Variants in PLEKHG6 observed in about 807,000 individuals in gnomAD.
PLEKHG6 encodes the protein pleckstrin homology domain-containing family G member 6.
A neutral mutation model predicts 97.5 loss-of-function variants in PLEKHG6; 91 were observed. The observed-to-expected ratio is 0.93, with a 90% CI of 0.79 to 1.11. PLEKHG6 has a LOEUF of 1.11. Ranked by LOEUF, PLEKHG6 falls within the 50% of genes most tolerant of loss-of-function variation. PLEKHG6 has a pLI of 0.00. For missense variants in PLEKHG6, 1,044 were observed against 1,031.0 expected (o/e 1.01, Z -0.17); for synonymous variants, 466 against 425.5 (o/e 1.10, Z -1.17).
At chr12:6,312,107 T>G (rs1592018955) in intron 1 of PLEKHG6, 52 bp from the exon 2 acceptor site, 2 of 841,046 alleles carry the variant, frequency 2.4e-6, no homozygotes, top group Admixed American at 3.3e-5. Flanking sequence ...TCCCGCCTGG[T>G]GCCATTCACT....
intron 3 of PLEKHG6, among the ~76,000 whole-genome samples, chr12:6,314,292 C>T (rs1240601557): frequency 6.6e-6 from 1 of 152,144 alleles, no homozygotes; most frequent in East Asian, 1.9e-4. Context: ...CACCTGAGGT[C>T]AGGAGTTCGA....
At chr12:6,322,525 C>T (rs1357558211) in intron 13 of PLEKHG6, among the ~76,000 whole-genome samples, 1 of 152,178 alleles carries the variant, frequency 6.6e-6, no homozygotes, top group Admixed American at 6.5e-5. Flanking sequence ...TCCACCTAAG[C>T]CTAAACACAC....
At chr12:6,328,069 TCA>T in intron 15 of PLEKHG6, 65 bp from the exon 16 acceptor site, 3 of 1,605,308 alleles carry the variant, frequency 1.9e-6, no homozygotes, top group Non-Finnish European at 2.6e-6. Context: ...GCTCTCCGCC[TCA>T]CTCTTCACCT....
chr12:6,314,917 C>G (rs569024728), intron 3 of PLEKHG6, 88 bp from the exon 4 acceptor site: 4 of 1,255,680 alleles, frequency 3.2e-6, no homozygotes, highest in African/African-American at 1.5e-5. Context: ...CACTTTAACA[C>G]ACATGCACAC....
chr12:6,325,927 A>G (rs115535186), intron 13 of PLEKHG6, among the ~76,000 whole-genome samples: 6,026 of 152,220 alleles, frequency 0.04, 415 homozygotes, highest in African/African-American at 0.14. Context: ...ACCCCCTCAG[A>G]CAGTTACTTA....
chr12:6,322,162 G>C (rs988507617), intron 13 of PLEKHG6, among the ~76,000 whole-genome samples: 5 of 152,204 alleles, frequency 3.3e-5, no homozygotes, highest in African/African-American at 9.7e-5. Context: ...TTGGAACACT[G>C]CATTGGCAAT....
rs1286581367 is a variant in PLEKHG6, at chr12:6,327,640, A to C, written c.2057A>C (p.His686Pro). The C allele has an allele frequency of 6.4e-7, 1 of 1,565,172 alleles. No individual in the cohort carries two copies. Among genetic ancestry groups the C allele is most frequent in the Non-Finnish European group, 8.7e-7 (1 of 1,151,570 alleles). ...ERGNVVVETLHRARLRGQLPS... is the reference protein window; with the variant it reads ...ERGNVVVETLPRARLRGQLPS... ...GGGAATGTGGTGGTGGAAACACTCC[A>C]CAGGGCCCGGCTTCGGGGCCAGCTT... Residue 686 changes from histidine (H) to proline (P), a missense_variant, in exon 15 of 16, where the codon CAC becomes CCC. Physicochemically the swap from His to Pro is moderately conservative, Grantham distance 77 (BLOSUM62 -2). Coordinates refer to ENST00000684764, the MANE Select transcript of PLEKHG6 (RefSeq NM_001384598.1).
Position 6,326,580 on chromosome 12 carries a change from C to T in PLEKHG6, c.1670+7C>T, listed in dbSNP as rs1400042566. ...AGAGCAGCGCAGAGGGGAGGTAAGG[C>T]TCACACGGACTACAAGGTCTCCCCG... On this transcript the variant is annotated splice_region_variant and intron_variant, in intron 14 of 15. Coordinates refer to ENST00000684764, the MANE Select transcript of PLEKHG6 (RefSeq NM_001384598.1). 6.0e-6 allele frequency: 9 copies of T among 1,487,838 alleles called. No individual in the cohort carries two copies. The South Asian group carries it at 1.2e-4, about 21-fold the overall frequency. 92.2% of individuals were successfully genotyped at this position (1,487,838 alleles called of 1,614,324 possible).
rs573818971 is a variant in PLEKHG6 at position 6,315,442 on chromosome 12, G to T, written c.460-112G>T. 9 of 742,028 alleles carry T rather than the reference G, an allele frequency of 1.2e-5. No individual in the cohort carries two copies. In the African/African-American group the frequency reaches 1.6e-4, roughly 13 times the overall value. 46.0% of individuals were successfully genotyped at this position (742,028 alleles called of 1,614,324 possible). On this transcript the variant is annotated intron_variant, in intron 4 of 15. Transcript: ENST00000684764. The surrounding 1 kb of genome is among the most constrained non-coding windows in gnomAD (Gnocchi z 4.5). ...CTGGTTTGAGGATTAAAAGGTCATGGTCATGCACAAAGTGCCTAGAACCTA... is the reference window on the plus strand; with the variant it reads ...CTGGTTTGAGGATTAAAAGGTCATGTTCATGCACAAAGTGCCTAGAACCTA...
Position 6,317,227 on chromosome 12 carries a change from G to T in PLEKHG6, c.757-76G>T, listed in dbSNP as rs562473472. On this transcript the variant is annotated intron_variant, in intron 7 of 15. Transcript: ENST00000684764. ...TGCGAGGCTCTCTTCACCTGCTCCT[G>T]GGTCCTGCAGCTAGAGCCTGTATTC... is the stretch of plus-strand genomic sequence containing the variant. The T allele has an allele frequency of 3.4e-5, 32 of 932,452 alleles. No individual in the cohort carries two copies. In the South Asian group the frequency reaches 4.3e-4, roughly 13 times the overall value. The allele number at this position is 932,452 out of a possible 1,614,324, so 57.8% of individuals were successfully genotyped here.
In PLEKHG6 at chr12:6,312,873, G is replaced by T. The variant is rs115339215; in HGVS notation, c.138+509G>T. ...TCCAGTCCTAACCAAGCAGAGGGGT[G>T]TGGAAGCCAGGTCTGTCCCTCAGCC... On this transcript the variant is annotated intron_variant, in intron 2 of 15. Coordinates refer to ENST00000684764, the MANE Select transcript of PLEKHG6 (RefSeq NM_001384598.1). The T allele has an allele frequency of 1.9e-3, 2,477 of 1,337,370 alleles. 41 individuals carry two copies. The African/African-American group carries it at 0.033, about 18-fold the overall frequency. 82.8% of individuals were successfully genotyped at this position (1,337,370 alleles called of 1,614,324 possible).
rs1044469370 is a variant in PLEKHG6, at chr12:6,316,579, G to C, written c.756+175G>C. 1.3e-5 allele frequency among the ~76,000 whole-genome samples: 2 copies of C among 152,184 alleles called. No homozygotes were observed. Among genetic ancestry groups the C allele is most frequent in the Non-Finnish European group, 2.9e-5 (2 of 68,032 alleles). ...CCTTCATGCCACAAGTCTGACCTCT[G>C]TGCCACAGGCTCCTTGTTCTTCTGG... On this transcript the variant is annotated intron_variant, in intron 7 of 15. Coordinates refer to ENST00000684764, the MANE Select transcript of PLEKHG6 (RefSeq NM_001384598.1). This position sits in a 1 kb window ranked among gnomAD's most constrained non-coding sequence, Gnocchi z 4.1.
intron 2 of PLEKHG6, 191 bp downstream of exon 2, chr12:6,312,555 C>G: frequency 8.5e-7 from 1 of 1,174,420 alleles, no homozygotes; most frequent in Non-Finnish European, 1.1e-6. Flanking sequence ...ACACCCCAGT[C>G]CCAGCAGCTG....
chr12:6,327,675 C>T lies in PLEKHG6; in HGVS notation c.2092C>T (p.Pro698Ser), dbSNP rs1281411929. 1.9e-6 allele frequency: 3 copies of T among 1,562,710 alleles called. No individual in the cohort carries two copies. Among genetic ancestry groups the T allele is most frequent in the Non-Finnish European group, 2.6e-6 (3 of 1,150,546 alleles). Residue 698 changes from proline to serine, a missense_variant, in exon 15 of 16, where the codon CCA becomes TCA. Coordinates refer to ENST00000684764, the MANE Select transcript of PLEKHG6 (RefSeq NM_001384598.1). Reference sequence around the variant, plus strand: ...GCTTCGGGGCCAGCTTCCCTCCTCCCCAACCCATGCTGACTCTGCCGGGGA... The same window carrying T: ...GCTTCGGGGCCAGCTTCCCTCCTCCTCAACCCATGCTGACTCTGCCGGGGA... ...ARLRGQLPSSPTHADSAGESP... is the reference protein window; with the variant it reads ...ARLRGQLPSSSTHADSAGESP...
At chr12:6,312,788 G>C in intron 2 of PLEKHG6, 1 of 1,201,092 alleles carries the variant, frequency 8.3e-7, no homozygotes, top group African/African-American at 1.5e-5. Flanking sequence ...TCCAGTGGTG[G>C]GTAGGGACAG....
chr12:6,312,272 G>A lies in PLEKHG6; in HGVS notation c.46G>A (p.Val16Met), dbSNP rs764719949. ...PPHEGPLQGLVASRIETYGGR... is the reference protein window; with the variant it reads ...PPHEGPLQGLMASRIETYGGR... ...ACATGAGGGCCCCCTCCAAGGACTC[G>A]TGGCCTCCCGCATTGAGACTTATGG... is the stretch of plus-strand genomic sequence containing the variant. The change falls in exon 2 of 16, where the codon GTG becomes ATG. Residue 16 changes from valine to methionine, a missense_variant. Val to Met is a conservative substitution (Grantham distance 21). Transcript: ENST00000684764. 28 of 1,548,098 alleles carry A rather than the reference G, an allele frequency of 1.8e-5. No homozygotes were observed. Among genetic ancestry groups the A allele is most frequent in the Admixed American group, 4.4e-5 (2 of 45,966 alleles).
rs71584808 is a variant in PLEKHG6, at chr12:6,315,428, AT to A, written c.460-124del. Reference sequence around the variant, plus strand: ...TACACATCAGAGCACTGGTTTGAGGATTAAAAGGTCATGGTCATGCACAAAG... The same window carrying A: ...TACACATCAGAGCACTGGTTTGAGGATAAAAGGTCATGGTCATGCACAAAG... On this transcript the variant is annotated intron_variant, in intron 4 of 15. Transcript: ENST00000684764. This position sits in a 1 kb window ranked among gnomAD's most constrained non-coding sequence, Gnocchi z 4.5. 4.0e-3 allele frequency: 2,792 copies of A among 703,660 alleles called. 14 individuals carry two copies. The highest frequency in any genetic ancestry group is 5.4e-3 in the Non-Finnish European group (2,247 of 412,588). The allele number at this position is 703,660 out of a possible 1,614,324, so 43.6% of individuals were successfully genotyped here.
rs2136753069 is a variant in PLEKHG6 at position 6,318,346 on chromosome 12, G to A, written c.1201G>A (p.Gly401Arg). The A allele has an allele frequency of 1.9e-6, 3 of 1,614,108 alleles. No homozygotes were observed. The highest frequency in any genetic ancestry group is 1.7e-6 in the Non-Finnish European group (2 of 1,180,020). The change falls in exon 11 of 16, where the codon GGG becomes AGG. Residue 401 changes from glycine (G) to arginine (R), a missense_variant. Gly to Arg is a moderately radical substitution (Grantham distance 125). Coordinates refer to ENST00000684764, the MANE Select transcript of PLEKHG6 (RefSeq NM_001384598.1). The part of the protein sequence containing the change: ...STLDLTSPML[G>R]VASEHTRQLL... The stretch of plus-strand genomic sequence containing the variant: ...CCTGGACCTGACGTCCCCCATGCTG[G>A]GGGTTGCATCTGAGCACACCAGACA...
chr12:6,318,659 C>A (rs549205004), intron 11 of PLEKHG6, 86 bp from the exon 12 acceptor site: 2 of 1,442,550 alleles, frequency 1.4e-6, no homozygotes, highest in South Asian at 1.2e-5. Context: ...TGTGTGCCTG[C>A]GCACCATGCC....
Sources: gnomAD v4.1 joint callset for allele counts (sites outside exome capture counted in the v4.1 genomes callset) on GRCh38, gnomAD v4.1.1 for gene constraint, Gnocchi (gnomAD v3.1) non-coding constraint, MANE v1.5 for transcripts, NCBI Gene and HGNC (gene_info 2026-07-23, HGNC 2026-07-21) for gene names.